The following SPATA16 variants were observed in gnomAD, a reference collection of about 807,000 sequenced individuals.
SPATA16 encodes the protein spermatogenesis-associated protein 16.
SPATA16 carries 36 observed loss-of-function variants against 63.3 expected under a neutral mutation model. The observed-to-expected ratio is 0.57, with a 90% CI of 0.44 to 0.75. The LOEUF (loss-of-function observed/expected upper bound fraction) is 0.75. SPATA16 is among the 30% of genes least tolerant of loss of function. The pLI is 0.00. For missense variants in SPATA16, 646 were observed against 679.3 expected, an observed-to-expected ratio of 0.95 and a Z score of 0.54; for synonymous variants, 203 against 216.7, an observed-to-expected ratio of 0.94 and a Z score of 0.56.
intron 5 of SPATA16, among the ~76,000 whole-genome samples, chr3:172,976,089 G>C (rs1427978803): frequency 6.6e-6 from 1 of 152,066 alleles, no homozygotes; most frequent in Non-Finnish European, 1.5e-5. Context: ...ACACAGTCTG[G>C]AGAAGAGAAA....
At chr3:173,114,639 T>C (rs1227794812) in intron 2 of SPATA16, among the ~76,000 whole-genome samples, 2 of 152,222 alleles carry the variant, frequency 1.3e-5, no homozygotes, top group Non-Finnish European at 2.9e-5. Context: ...GACACTTATT[T>C]TGCAGCCAAA....
intron 5 of SPATA16, among the ~76,000 whole-genome samples, chr3:172,971,676 C>T (rs1734050547): frequency 6.6e-6 from 1 of 152,092 alleles, no homozygotes; most frequent in South Asian, 2.1e-4. Flanking sequence ...ATGACAAATA[C>T]AATTTGAGCA....
At chr3:173,009,592 C>A (rs1016813647) in intron 4 of SPATA16, among the ~76,000 whole-genome samples, 1 of 152,236 alleles carries the variant, frequency 6.6e-6, no homozygotes, top group African/African-American at 2.4e-5. Flanking sequence ...AGGCTAGGCT[C>A]TTTCGCATGC....
chr3:173,106,495 A>G lies in SPATA16; in HGVS notation c.612+10625T>C, dbSNP rs77695537. Among the ~76,000 whole-genome samples, 1,169 of 152,294 alleles carry G rather than the reference A, an allele frequency of 7.7e-3. 23 individuals carry two copies. Among genetic ancestry groups the G allele is most frequent in the African/African-American group, 0.027 (1,109 of 41,572 alleles). On this transcript the variant is annotated intron_variant, in intron 2 of 10. Coordinates refer to ENST00000351008, the MANE Select transcript of SPATA16 (RefSeq NM_031955.6). ...CCCTGTAGCTCCTGTAGTAACCAGC[A>G]CAATGTTGCTAATGTAGTAACTACT...
intron 3 of SPATA16, among the ~76,000 whole-genome samples, chr3:173,034,373 G>A (rs1735669710): frequency 2.0e-5 from 3 of 151,844 alleles, no homozygotes; most frequent in Admixed American, 2.0e-4. Context: ...AAAATTAGAG[G>A]GATTTTTGAT....
At chr3:172,965,948 T>C (rs2108243274) in intron 5 of SPATA16, among the ~76,000 whole-genome samples, 1 of 152,314 alleles carries the variant, frequency 6.6e-6, no homozygotes, top group East Asian at 1.9e-4. Flanking sequence ...GAAGACTTTA[T>C]ATTTTAAAAA....
intron 6 of SPATA16, among the ~76,000 whole-genome samples, chr3:172,945,795 C>A (rs1733269681): frequency 6.6e-6 from 1 of 152,162 alleles, no homozygotes; most frequent in Non-Finnish European, 1.5e-5. Flanking sequence ...TCTAAATAAA[C>A]TTGAAAGGTA....
Position 172,999,661 on chromosome 3 carries a change from G to A in SPATA16, c.848+19825C>T, listed in dbSNP as rs188371546. Among the ~76,000 whole-genome samples, 13 of 152,188 alleles carry A rather than the reference G, an allele frequency of 8.5e-5. No individual in the cohort carries two copies. In the East Asian group the frequency reaches 1.4e-3, roughly 16 times the overall value. On this transcript the variant is annotated intron_variant, in intron 4 of 10. Coordinates refer to ENST00000351008, the MANE Select transcript of SPATA16 (RefSeq NM_031955.6). ...ACTCCTGACCTCAGTTGATCCGCCC[G>A]CCTAGGCCTCCCAAAGTGCTGGGAT...
At chr3:173,019,342 C>G (rs1735264336) in intron 4 of SPATA16, 144 bp downstream of exon 4, 1 of 785,424 alleles carries the variant, frequency 1.3e-6, no homozygotes. Flanking sequence ...TCAATAATTG[C>G]TGGTTTGACG....
chr3:173,002,537 A>C (rs1734849307), intron 4 of SPATA16, among the ~76,000 whole-genome samples: 1 of 152,280 alleles, frequency 6.6e-6, no homozygotes, highest in Middle Eastern at 3.4e-3. Flanking sequence ...GGGAATTCCT[A>C]ACCAGAACCT....
intron 8 of SPATA16, among the ~76,000 whole-genome samples, chr3:172,920,209 T>G: frequency 6.6e-6 from 1 of 152,206 alleles, no homozygotes; most frequent in Non-Finnish European, 1.5e-5. Context: ...GTTTCCTCAT[T>G]GGTAAAATGA....
At chr3:172,932,026 A>G (rs1426310833) in intron 6 of SPATA16, among the ~76,000 whole-genome samples, 3 of 152,214 alleles carry the variant, frequency 2.0e-5, no homozygotes, top group African/African-American at 7.2e-5. Flanking sequence ...CTGCAAAAAC[A>G]TGAAATATAG....
At chr3:172,979,728 C>CT (rs1253568374) in intron 4 of SPATA16, among the ~76,000 whole-genome samples, 2 of 151,716 alleles carry the variant, frequency 1.3e-5, no homozygotes, top group African/African-American at 2.4e-5. Context: ...GGGCTCAAGT[C>CT]TTTTTTTTAA....
At chr3:173,016,045 G>A (rs2108274420) in intron 4 of SPATA16, among the ~76,000 whole-genome samples, 1 of 152,260 alleles carries the variant, frequency 6.6e-6, no homozygotes, top group Non-Finnish European at 1.5e-5. Context: ...GCTTGTTCTT[G>A]GTAACGGGGG....
intron 6 of SPATA16, among the ~76,000 whole-genome samples, chr3:172,930,894 A>G (rs1732856349): frequency 2.7e-5 from 4 of 150,292 alleles, no homozygotes; most frequent in South Asian, 4.2e-4. Flanking sequence ...CAATGGCACC[A>G]TCTTGGCTCA....
intron 1 of SPATA16, among the ~76,000 whole-genome samples, chr3:173,118,403 G>A (rs1217648360): frequency 6.6e-6 from 1 of 152,168 alleles, no homozygotes; most frequent in Non-Finnish European, 1.5e-5. Flanking sequence ...TAGTCTATTT[G>A]TAGTAATGGT....
chr3:172,910,571 G>A (rs909099909), intron 10 of SPATA16, among the ~76,000 whole-genome samples: 1 of 151,786 alleles, frequency 6.6e-6, no homozygotes, highest in Non-Finnish European at 1.5e-5. Context: ...TTGACCTGCA[G>A]ACTGTAGTTT....
chr3:172,897,447 A>G (rs1442890185), intron 10 of SPATA16, among the ~76,000 whole-genome samples: 1 of 152,082 alleles, frequency 6.6e-6, no homozygotes, highest in Non-Finnish European at 1.5e-5. Flanking sequence ...CTCTCCATTT[A>G]TTTAGATCTT....
rs1737268978 is a variant in SPATA16, at chr3:173,093,224, G to A, written c.612+23896C>T. Among the ~76,000 whole-genome samples, 3 of 152,112 alleles carry A rather than the reference G, an allele frequency of 2.0e-5. No homozygotes were observed. In the South Asian group the frequency reaches 6.2e-4, roughly 32 times the overall value. ...GAAATGGTGGTGTTAGAAGATAGTAGTTTCTATTTAAAAAATTGTCTTTCT... is the reference window on the plus strand; with the variant it reads ...GAAATGGTGGTGTTAGAAGATAGTAATTTCTATTTAAAAAATTGTCTTTCT... On this transcript the variant is annotated intron_variant, in intron 2 of 10. Coordinates refer to ENST00000351008, the MANE Select transcript of SPATA16 (RefSeq NM_031955.6).
Sources: gnomAD v4.1 joint callset for allele counts (sites outside exome capture counted in the v4.1 genomes callset) on GRCh38, gnomAD v4.1.1 for gene constraint, MANE v1.5 for transcripts, NCBI Gene and HGNC (gene_info 2026-07-23, HGNC 2026-07-21) for gene names.